CTCF: variants seen among roughly 807,000 people sequenced by gnomAD.
The protein encoded by CTCF is CCCTC-binding factor, also known as transcriptional repressor CTCF.
CTCF carries 7 observed loss-of-function variants against 72.3 expected under a neutral mutation model. The ratio of observed to expected loss-of-function variants is 0.10; its 90% CI spans 0.06 to 0.18. The LOEUF is 0.18. CTCF is among the 10% of genes least tolerant of loss of function. The probability of loss-of-function intolerance (pLI) is 1.00; values close to 1 mark genes in which losing one functional copy is unlikely to be tolerated. For synonymous variants in CTCF, 374 were observed against 315.8 expected (o/e 1.18, Z -1.95); for missense variants, 516 against 949.1 (o/e 0.54, Z 6.00).
At chr16:67,604,254 A>G (rs778464063) in intron 2 of CTCF, among the ~76,000 whole-genome samples, 18 of 152,236 alleles carry the variant, frequency 1.2e-4, no homozygotes, top group Admixed American at 3.3e-4. Context: ...GGTTACAGTG[A>G]GCTGTGATCC....
At chr16:67,602,678 C>T (rs1296150495) in intron 2 of CTCF, among the ~76,000 whole-genome samples, 2 of 151,728 alleles carry the variant, frequency 1.3e-5, no homozygotes, top group African/African-American at 4.8e-5. Flanking sequence ...CCTGTCTCTC[C>T]TAAAAATATA....
chr16:67,589,301 T>A (rs185841811), intron 2 of CTCF, among the ~76,000 whole-genome samples: 48 of 152,210 alleles, frequency 3.2e-4, no homozygotes, highest in African/African-American at 1.1e-3. Context: ...ACCGCACCTC[T>A]TAAAAAAGAT....
chr16:67,621,645 T>G, intron 7 of CTCF, 54 bp downstream of exon 7: 2 of 1,346,634 alleles, frequency 1.5e-6, no homozygotes, highest in Middle Eastern at 1.8e-4. Flanking sequence ...GATTTATATT[T>G]CGAAATATGG....
chr16:67,627,204 A>T (rs1250720457), intron 8 of CTCF: 1 of 152,224 alleles, frequency 6.6e-6, no homozygotes, highest in East Asian at 1.9e-4. Context: ...AAAAGAAAAA[A>T]TTAGGGCCGG....
chr16:67,576,437 A>T (rs2051497706), intron 2 of CTCF, among the ~76,000 whole-genome samples: 1 of 151,808 alleles, frequency 6.6e-6, no homozygotes, highest in African/African-American at 2.4e-5. Flanking sequence ...ATTTTTTTTA[A>T]TGCAAATACT....
chr16:67,639,115 T>G lies in CTCF; in HGVS notation c.*1243T>G, dbSNP rs1276664893. The G allele has an allele frequency of 1.5e-5, 3 of 198,296 alleles. No homozygotes were observed. Among genetic ancestry groups the G allele is most frequent in the Non-Finnish European group, 3.1e-5 (3 of 95,620 alleles). 12.3% of individuals were successfully genotyped at this position (198,296 alleles called of 1,614,324 possible). On this transcript the variant is annotated 3_prime_UTR_variant, in exon 12 of 12. Coordinates refer to ENST00000264010, the MANE Select transcript of CTCF (RefSeq NM_006565.4). ...CCTGTAATAAAATATGTAATGGGGT[T>G]GAAAGCTGGGGAGGAGGATCTACTG... is the stretch of plus-strand genomic sequence containing the variant.
At chr16:67,604,715 A>G (rs1220517755) in intron 2 of CTCF, among the ~76,000 whole-genome samples, 2 of 147,098 alleles carry the variant, frequency 1.4e-5, no homozygotes, top group African/African-American at 5.2e-5. Context: ...GATTACTAAA[A>G]TTAATTTCAC....
intron 2 of CTCF, among the ~76,000 whole-genome samples, chr16:67,606,023 C>T (rs2051968738): frequency 6.6e-6 from 1 of 152,178 alleles, no homozygotes; most frequent in Admixed American, 6.6e-5. Context: ...ATTAAGTCTT[C>T]TTCTTTGTGA....
rs747801590 is a variant in CTCF, at chr16:67,610,901, G to A, written c.69G>A (p.Lys23=). ...SETFIKGKER[K]TYQRRREGGQ... ...CTTTTATTAAAGGAAAGGAGAGAAA[G>A]ACTTACCAGAGACGCCGGGAAGGGG... The change falls in exon 3 of 12, where the codon AAG becomes AAA. Residue 23 remains lysine, a synonymous_variant. Coordinates refer to ENST00000264010, the MANE Select transcript of CTCF (RefSeq NM_006565.4). The A allele has an allele frequency of 6.6e-7, 1 of 1,526,322 alleles. No individual in the cohort carries two copies. The highest frequency in any genetic ancestry group is 2.1e-5 in the Admixed American group (1 of 46,982). The allele number at this position is 1,526,322 out of a possible 1,614,324, so 94.5% of individuals were successfully genotyped here.
intron 2 of CTCF, among the ~76,000 whole-genome samples, chr16:67,591,220 A>G (rs1303226558): frequency 6.6e-6 from 1 of 152,024 alleles, no homozygotes; most frequent in East Asian, 1.9e-4. Context: ...TGAACACAGG[A>G]GGCAGAGATT....
intron 4 of CTCF, 165 bp from the exon 5 acceptor site, chr16:67,616,574 TCCAGGC>T: frequency 1.5e-6 from 1 of 679,938 alleles, no homozygotes; most frequent in African/African-American, 1.8e-5. Flanking sequence ...TATAAATTCA[TCCAGGC>T]CCTCCCATAG....
At position 67,621,565 on chromosome 16, in the gene CTCF, C is replaced by T. The variant is rs1423722405; in HGVS notation, c.1331C>T (p.Thr444Ile). ...AAATTTCACTGTCCCCACTGTGACACAGTCATAGCCCGAAAAAGTGATTTG... is the reference window on the plus strand; with the variant it reads ...AAATTTCACTGTCCCCACTGTGACATAGTCATAGCCCGAAAAAGTGATTTG... ...VAKFHCPHCDTVIARKSDLGV... is the reference protein window; with the variant it reads ...VAKFHCPHCDIVIARKSDLGV... Residue 444 changes from threonine (T) to isoleucine (I), a missense_variant, in exon 7 of 12, where the codon ACA becomes ATA. Physicochemically the swap from Thr to Ile is moderately conservative, Grantham distance 89 (BLOSUM62 -1). Coordinates refer to ENST00000264010, the MANE Select transcript of CTCF (RefSeq NM_006565.4). 1 of 1,609,670 alleles carries T rather than the reference C, an allele frequency of 6.2e-7. No individual in the cohort carries two copies. The highest frequency in any genetic ancestry group is 1.1e-5 in the South Asian group (1 of 90,826).
intron 2 of CTCF, among the ~76,000 whole-genome samples, chr16:67,586,437 TGAGGCAGAGAATTGCTTGAACCCGG>T (rs988895549): frequency 6.6e-6 from 1 of 151,398 alleles, no homozygotes; most frequent in African/African-American, 2.4e-5. Context: ...CTCAGGAGGC[TGAGGCAGAGAATTGCTTGAACCCGG>T]GAGGCAGAGG....
chr16:67,585,253 T>C (rs1229260242), intron 2 of CTCF, among the ~76,000 whole-genome samples: 1 of 152,220 alleles, frequency 6.6e-6, no homozygotes, highest in Non-Finnish European at 1.5e-5. Flanking sequence ...TTTCACCATG[T>C]TGGTCAGGCT....
At chr16:67,616,037 C>CT (rs1312388608) in intron 4 of CTCF, 6 of 152,298 alleles carry the variant, frequency 3.9e-5, no homozygotes, top group South Asian at 4.1e-4. Flanking sequence ...AGTTTTGTCT[C>CT]TAAGATTCCT....
intron 2 of CTCF, among the ~76,000 whole-genome samples, chr16:67,572,072 C>T (rs967991014): frequency 2.0e-5 from 3 of 152,146 alleles, no homozygotes; most frequent in African/African-American, 7.2e-5. Flanking sequence ...GTGGAAATTA[C>T]AAATGCCAGG....
In CTCF at chr16:67,639,064, CATT is replaced by C. The variant is rs1380913407; in HGVS notation, c.*1196_*1198del. 2 of 202,274 alleles carry C rather than the reference CATT, an allele frequency of 9.9e-6. No individual in the cohort carries two copies. The highest frequency in any genetic ancestry group is 2.0e-5 in the Non-Finnish European group (2 of 98,212). The allele number at this position is 202,274 out of a possible 1,614,324, so 12.5% of individuals were successfully genotyped here. On this transcript the variant is annotated 3_prime_UTR_variant, in exon 12 of 12. Coordinates refer to ENST00000264010, the MANE Select transcript of CTCF (RefSeq NM_006565.4). The stretch of plus-strand genomic sequence containing the variant: ...CTTAGCTGTACTGTGTGATATTTTT[CATT>C]ATTTTAGGACGCCAACATGAGACCT...
intron 2 of CTCF, among the ~76,000 whole-genome samples, chr16:67,581,832 G>A (rs920422254): frequency 1.3e-5 from 2 of 152,122 alleles, no homozygotes; most frequent in South Asian, 2.1e-4. Flanking sequence ...TGGAGACAGC[G>A]TTTTGTCATG....
At chr16:67,629,369 G>A (rs2142868967) in intron 9 of CTCF, 29 bp from the exon 10 acceptor site, 1 of 1,582,402 alleles carries the variant, frequency 6.3e-7, no homozygotes, top group Non-Finnish European at 8.6e-7. Flanking sequence ...TTTTAGTGGT[G>A]TGAAAGAGGA....
Sources: allele counts gnomAD v4.1 joint callset (sites outside exome capture counted in the v4.1 genomes callset), GRCh38; gene constraint gnomAD v4.1.1; transcripts MANE v1.5; gene names NCBI Gene and HGNC (gene_info 2026-07-23, HGNC 2026-07-21).